The following LARGE1 variants were observed in gnomAD, a reference collection of about 807,000 sequenced individuals.
LARGE1 encodes LARGE xylosyl- and glucuronyltransferase 1.
In LARGE1, 43 loss-of-function variants were observed where a neutral mutation model predicts 87.6. The ratio of observed to expected loss-of-function variants is 0.49; its 90% CI spans 0.38 to 0.63. LARGE1 has a LOEUF of 0.63. Ranked by LOEUF, LARGE1 falls within the 30% of genes least tolerant of loss-of-function variation. The pLI is 0.00. For synonymous variants in LARGE1, 434 were observed against 394.6 expected (o/e 1.10, Z -1.18); for missense variants, 802 against 1,000.2 (o/e 0.80, Z 2.67).
intron 5 of LARGE1, among the ~76,000 whole-genome samples, chr22:33,569,894 T>C (rs1197395460): frequency 6.6e-6 from 1 of 152,244 alleles, no homozygotes; most frequent in South Asian, 2.1e-4. Context: ...ACAGTAATTA[T>C]TCAAAAACTG....
intron 6 of LARGE1, among the ~76,000 whole-genome samples, chr22:33,476,222 A>AACGCAT (rs1446874723): frequency 2.6e-5 from 4 of 152,222 alleles, no homozygotes; most frequent in African/African-American, 9.6e-5. Context: ...ACCTGAGACA[A>AACGCAT]ACGCATACCT....
chr22:33,140,981 G>A, the LARGE1 span, among the ~76,000 whole-genome samples: 1,426 of 152,176 alleles, frequency 9.4e-3, 30 homozygotes, highest in African/African-American at 0.033. Flanking sequence ...ACAATTTAAA[G>A]ATACTTTACA....
At position 33,865,984 on chromosome 22, in the gene LARGE1, G is replaced by A. The variant is rs143027859; in HGVS notation, c.-83+54011C>T. Among the ~76,000 whole-genome samples the A allele has an allele frequency of 5.1e-3, 779 of 151,280 alleles. 9 individuals are homozygous for A. Among genetic ancestry groups the A allele is most frequent in the African/African-American group, 0.018 (732 of 41,170 alleles). Reference sequence around the variant, plus strand: ...CCATCTCAGCCTCCCAAGTAGCTGGGACTACAGATGCACACCACCATGCCC... The same window carrying A: ...CCATCTCAGCCTCCCAAGTAGCTGGAACTACAGATGCACACCACCATGCCC... On this transcript the variant is annotated intron_variant, in intron 1 of 14. Coordinates refer to ENST00000397394, the MANE Select transcript of LARGE1 (RefSeq NM_133642.5).
intron 2 of LARGE1, among the ~76,000 whole-genome samples, chr22:33,700,106 G>A (rs969181708): frequency 4.6e-5 from 7 of 152,080 alleles, no homozygotes; most frequent in African/African-American, 2.4e-5. Flanking sequence ...TCCAGGAAAG[G>A]CAACAAATCT....
At chr22:33,291,740 C>A (rs1932619368) in intron 12 of LARGE1, among the ~76,000 whole-genome samples, 1 of 149,710 alleles carries the variant, frequency 6.7e-6, no homozygotes. Context: ...TTTTGCCTTT[C>A]CACCTTCTTC....
chr22:33,568,324 G>A (rs533317298), intron 5 of LARGE1, among the ~76,000 whole-genome samples: 2 of 152,318 alleles, frequency 1.3e-5, no homozygotes, highest in South Asian at 2.1e-4. Context: ...AAACCAGAGC[G>A]AAAGCGAGAC....
At chr22:33,766,209 T>G (rs931969479) in intron 1 of LARGE1, among the ~76,000 whole-genome samples, 1 of 152,164 alleles carries the variant, frequency 6.6e-6, no homozygotes, top group Non-Finnish European at 1.5e-5. Context: ...GTCTCCCTAC[T>G]GCTCCCTGGT....
intron 6 of LARGE1, among the ~76,000 whole-genome samples, chr22:33,543,713 C>A (rs2077275934): frequency 6.6e-6 from 1 of 152,196 alleles, no homozygotes; most frequent in Non-Finnish European, 1.5e-5. Flanking sequence ...ACTAGAGACT[C>A]CAACACAATG....
At position 33,453,734 on chromosome 22, in the gene LARGE1, G is replaced by C. The variant is rs144961634; in HGVS notation, c.788-21469C>G. On this transcript the variant is annotated intron_variant, in intron 6 of 14. Transcript: ENST00000397394. The stretch of plus-strand genomic sequence containing the variant: ...GTTCTCGCTAAACTCACCTAGGAAC[G>C]GACTTTGTTCCAACCTCCAGTTTCT... 5.8e-3 allele frequency among the ~76,000 whole-genome samples: 890 copies of C among 152,172 alleles called. 3 individuals are homozygous for C. Among genetic ancestry groups the C allele is most frequent in the South Asian group, 0.026 (126 of 4,820 alleles).
At chr22:33,582,874 T>C (rs1208408984) in intron 5 of LARGE1, among the ~76,000 whole-genome samples, 2 of 152,228 alleles carry the variant, frequency 1.3e-5, no homozygotes, top group Non-Finnish European at 2.9e-5. Flanking sequence ...TTCTGCTAGA[T>C]AGTAGCTCCA....
chr22:33,647,843 C>T (rs1439459801), intron 3 of LARGE1, among the ~76,000 whole-genome samples: 1 of 152,112 alleles, frequency 6.6e-6, no homozygotes, highest in Non-Finnish European at 1.5e-5. Context: ...CTGCAATCTC[C>T]ACTTCCTGGG....
intron 7 of LARGE1, among the ~76,000 whole-genome samples, chr22:33,416,009 C>T (rs1051221445): frequency 6.6e-6 from 1 of 152,204 alleles, no homozygotes. Context: ...CGAATCTTAG[C>T]TATCACTTGC....
intron 7 of LARGE1, among the ~76,000 whole-genome samples, chr22:33,411,003 T>C (rs1293584944): frequency 6.6e-6 from 1 of 152,196 alleles, no homozygotes; most frequent in Non-Finnish European, 1.5e-5. Flanking sequence ...GGCCAGATTA[T>C]TTTCCTTAAG....
intron 2 of LARGE1, among the ~76,000 whole-genome samples, chr22:33,661,258 C>G (rs5999046): frequency 0.025 from 3,841 of 151,280 alleles, 187 homozygotes; most frequent in African/African-American, 0.089. Context: ...CTCTGTTGCC[C>G]AGGCTGGAGT....
intron 6 of LARGE1, among the ~76,000 whole-genome samples, chr22:33,527,744 A>T (rs1228463456): frequency 1.3e-5 from 2 of 152,134 alleles, no homozygotes; most frequent in Non-Finnish European, 2.9e-5. Context: ...CTTGACCAGA[A>T]CAAACCATAA....
At chr22:33,328,253 C>G (rs1569060486) in intron 10 of LARGE1, among the ~76,000 whole-genome samples, 2 of 152,152 alleles carry the variant, frequency 1.3e-5, no homozygotes. Flanking sequence ...CCAACGTGTT[C>G]TATGAATTCA....
intron 13 of LARGE1, among the ~76,000 whole-genome samples, chr22:33,281,686 G>A (rs1412780386): frequency 6.6e-6 from 1 of 152,164 alleles, no homozygotes; most frequent in Non-Finnish European, 1.5e-5. Context: ...TGGGTTGGGT[G>A]GGGGGTTACT....
Position 33,909,458 on chromosome 22 carries a change from C to A in LARGE1, c.-83+10537G>T, listed in dbSNP as rs551034406. ...CAGGGCCTTTAGCACACCACATCCC[C>A]CTGATGAAAAGTCACCCTGCCTTCC... On this transcript the variant is annotated intron_variant, in intron 1 of 14. Transcript: ENST00000397394. Among the ~76,000 whole-genome samples the A allele has an allele frequency of 1.3e-4, 20 of 152,308 alleles. 1 individual carries two copies. In the South Asian group the frequency reaches 3.9e-3, roughly 30 times the overall value.
intron 5 of LARGE1, among the ~76,000 whole-genome samples, chr22:33,596,046 T>C (rs2078968608): frequency 6.6e-6 from 1 of 152,236 alleles, no homozygotes. Context: ...AGAAGATTAA[T>C]GACCATTTGT....
Sources: allele counts gnomAD v4.1 joint callset (sites outside exome capture counted in the v4.1 genomes callset), GRCh38; gene constraint gnomAD v4.1.1; transcripts MANE v1.5; gene names NCBI Gene and HGNC (gene_info 2026-07-23, HGNC 2026-07-21).